RSRC1: variants seen among roughly 807,000 people sequenced by gnomAD.
RSRC1 encodes the protein arginine and serine rich coiled-coil 1, also known as serine/Arginine-related protein 53.
A neutral mutation model predicts 49.1 loss-of-function variants in RSRC1; 39 were observed. That is an observed-to-expected ratio of 0.79 (90% CI 0.61 to 1.04). The LOEUF (loss-of-function observed/expected upper bound fraction) is 1.04. Among genes scored for constraint, RSRC1 ranks in the 50% least tolerant of loss-of-function variants. The pLI, the probability that RSRC1 is intolerant of heterozygous loss-of-function variation, is 0.00. For synonymous variants in RSRC1, 143 were observed against 130.8 expected, an observed-to-expected ratio of 1.09 and a Z score of -0.63; for missense variants, 388 against 402.4, an observed-to-expected ratio of 0.96 and a Z score of 0.31.
At chr3:158,209,413 T>C (rs1721535351) in intron 4 of RSRC1, among the ~76,000 whole-genome samples, 1 of 152,082 alleles carries the variant, frequency 6.6e-6, no homozygotes, top group Non-Finnish European at 1.5e-5. Flanking sequence ...CATCCAGAAC[T>C]GTGAGGCAAT....
At chr3:158,144,749 C>T (rs1716971875) in intron 3 of RSRC1, among the ~76,000 whole-genome samples, 1 of 152,166 alleles carries the variant, frequency 6.6e-6, no homozygotes, top group South Asian at 2.1e-4. Context: ...ACAGTCCCCC[C>T]AACAGTGTAA....
chr3:158,248,916 C>T (rs1041000739), intron 4 of RSRC1, among the ~76,000 whole-genome samples: 1 of 152,060 alleles, frequency 6.6e-6, no homozygotes, highest in African/African-American at 2.4e-5. Flanking sequence ...TGTACATTGA[C>T]AGGTGTCAGG....
At position 158,122,237 on chromosome 3, in the gene RSRC1, A is replaced by G. The variant is rs993672260; in HGVS notation, c.133A>G (p.Arg45Gly). Reference protein sequence around the residue: ...YSRKKGGRKSRSKSRSWSRDL... With the variant: ...YSRKKGGRKSGSKSRSWSRDL... ...CCGAAAGAAAGGAGGAAGGAAATCA[A>G]GATCAAAGTCAAGATCTTGGTCCAG... The change falls in exon 2 of 10, where the codon AGA becomes GGA. Residue 45 changes from arginine (R) to glycine (G), a missense_variant. Arg to Gly is a moderately radical substitution (Grantham distance 125). Coordinates refer to ENST00000611884, the MANE Select transcript of RSRC1 (RefSeq NM_001271838.2). The G allele has an allele frequency of 1.2e-6, 2 of 1,605,356 alleles. No homozygotes were observed. The highest frequency in any genetic ancestry group is 2.7e-5 in the African/African-American group (2 of 74,302).
In RSRC1 at chr3:158,473,510, T is replaced by C. The variant is rs549873373; in HGVS notation, c.652+12507T>C. On this transcript the variant is annotated intron_variant, in intron 7 of 9. Coordinates refer to ENST00000611884, the MANE Select transcript of RSRC1 (RefSeq NM_001271838.2). ...GGGGAACATCACACACCGGGGCCTGTTGTGGGGTGAGGGCAGGGGGGAGGG... is the reference window on the plus strand; with the variant it reads ...GGGGAACATCACACACCGGGGCCTGCTGTGGGGTGAGGGCAGGGGGGAGGG... Among the ~76,000 whole-genome samples, 5 of 151,992 alleles carry C rather than the reference T, an allele frequency of 3.3e-5. No homozygotes were observed. The East Asian group carries it at 7.8e-4, about 24-fold the overall frequency.
chr3:158,541,785 A>T (rs1442426334), intron 8 of RSRC1, among the ~76,000 whole-genome samples: 1 of 152,138 alleles, frequency 6.6e-6, no homozygotes, highest in Non-Finnish European at 1.5e-5. Context: ...TTCTGATCTA[A>T]TCCATTTCAT....
intron 4 of RSRC1, among the ~76,000 whole-genome samples, chr3:158,216,634 T>TA (rs139225758): frequency 6.6e-6 from 1 of 151,662 alleles, no homozygotes; most frequent in Non-Finnish European, 1.5e-5. Context: ...AAAAATTGTT[T>TA]AAAAAAATTT....
chr3:158,423,434 A>G (rs984794913), intron 6 of RSRC1, among the ~76,000 whole-genome samples: 3 of 151,944 alleles, frequency 2.0e-5, no homozygotes, highest in Admixed American at 6.6e-5. Context: ...CCATTGATCT[A>G]TATCTCTGTT....
chr3:158,403,455 T>C (rs906561073), intron 6 of RSRC1, among the ~76,000 whole-genome samples: 7 of 151,140 alleles, frequency 4.6e-5, no homozygotes. Flanking sequence ...TTTCTCCAAA[T>C]AAAAAAAAAT....
chr3:158,341,910 G>A (rs56058155), intron 5 of RSRC1, among the ~76,000 whole-genome samples: 11,159 of 152,198 alleles, frequency 0.073, 478 homozygotes, highest in South Asian at 0.13. Context: ...TTTGAGACCT[G>A]GAGTCAAAGG....
intron 3 of RSRC1, among the ~76,000 whole-genome samples, chr3:158,190,508 ATTTT>A (rs926408267): frequency 2.0e-5 from 3 of 151,142 alleles, no homozygotes; most frequent in African/African-American, 7.3e-5. Context: ...GAGATGACTT[ATTTT>A]ATTTTAATTT....
At chr3:158,534,905 A>G (rs1712631917) in intron 7 of RSRC1, among the ~76,000 whole-genome samples, 1 of 151,396 alleles carries the variant, frequency 6.6e-6, no homozygotes, top group Admixed American at 6.6e-5. Flanking sequence ...ATATTCTCAA[A>G]AATAAACAAT....
intron 4 of RSRC1, chr3:158,276,222 C>T (rs1250827068): frequency 2.7e-5 from 21 of 778,590 alleles, no homozygotes; most frequent in Non-Finnish European, 3.7e-5. Context: ...GCCACCATGG[C>T]GAATACGAAT....
At chr3:158,205,137 A>G (rs951512986) in intron 4 of RSRC1, among the ~76,000 whole-genome samples, 1 of 152,166 alleles carries the variant, frequency 6.6e-6, no homozygotes, top group Admixed American at 6.6e-5. Context: ...AAGTCAAAAT[A>G]AGAGGTGCAA....
chr3:158,482,844 T>A (rs1738670409), intron 7 of RSRC1, among the ~76,000 whole-genome samples: 1 of 152,024 alleles, frequency 6.6e-6, no homozygotes, highest in South Asian at 2.1e-4. Context: ...ATTGTAATTG[T>A]ATTGCCAAAT....
At chr3:158,134,243 T>C (rs1402434456) in intron 3 of RSRC1, among the ~76,000 whole-genome samples, 8 of 151,628 alleles carry the variant, frequency 5.3e-5, no homozygotes, top group Non-Finnish European at 8.8e-5. Context: ...GAAGACTCTT[T>C]AATGATTATT....
At chr3:158,300,053 A>G (rs1727450510) in intron 5 of RSRC1, among the ~76,000 whole-genome samples, 2 of 152,222 alleles carry the variant, frequency 1.3e-5, no homozygotes, top group Non-Finnish European at 1.5e-5. Context: ...ATTGTATATT[A>G]ATTATTCTTC....
rs765549296 is a variant in RSRC1 at position 158,539,541 on chromosome 3, C to A, written c.759+2343C>A. On this transcript the variant is annotated intron_variant, in intron 8 of 9. Coordinates refer to ENST00000611884, the MANE Select transcript of RSRC1 (RefSeq NM_001271838.2). The surrounding 1 kb of genome is among the most constrained non-coding windows in gnomAD (Gnocchi z 4.1). ...CCTGTGTTCAAAAGAAGGGTAAATA[C>A]CCCTATGCAGCATGGTCTTTTGGCC... 2.0e-4 allele frequency among the ~76,000 whole-genome samples: 30 copies of A among 152,106 alleles called. No individual in the cohort carries two copies. The highest frequency in any genetic ancestry group is 4.0e-4 in the Non-Finnish European group (27 of 67,958).
intron 7 of RSRC1, among the ~76,000 whole-genome samples, chr3:158,494,188 A>C (rs568737384): frequency 1.3e-5 from 2 of 152,286 alleles, no homozygotes; most frequent in East Asian, 3.9e-4. Context: ...AGCCTACTAC[A>C]CACCTCAACT....
intron 6 of RSRC1, among the ~76,000 whole-genome samples, chr3:158,386,204 T>G (rs542782211): frequency 6.6e-6 from 1 of 152,088 alleles, no homozygotes. Context: ...TTTTTGTCTT[T>G]TAACTTTGTG....
Sources: gnomAD v4.1 joint callset for allele counts (sites outside exome capture counted in the v4.1 genomes callset) on GRCh38, gnomAD v4.1.1 for gene constraint, Gnocchi (gnomAD v3.1) non-coding constraint, MANE v1.5 for transcripts, NCBI Gene and HGNC (gene_info 2026-07-23, HGNC 2026-07-21) for gene names.